FBXO3: variants seen among roughly 807,000 people sequenced by gnomAD.
FBXO3 encodes the protein F-box protein 3.
Under a neutral mutation model 64.8 loss-of-function variants are expected in FBXO3, and 17 were observed. That is an observed-to-expected ratio of 0.26 (90% CI 0.18 to 0.39). The LOEUF (loss-of-function observed/expected upper bound fraction) is 0.39, where lower values mean the gene tolerates loss of function less well. FBXO3 is among the 10% of genes least tolerant of loss of function. The pLI is 1.00. For missense variants in FBXO3, 420 were observed against 589.9 expected, an observed-to-expected ratio of 0.71 and a Z score of 2.98; for synonymous variants, 182 against 201.6, an observed-to-expected ratio of 0.90 and a Z score of 0.82.
chr11:33,748,092 C>A (rs576293011), intron 9 of FBXO3, among the ~76,000 whole-genome samples: 2 of 152,228 alleles, frequency 1.3e-5, no homozygotes, highest in South Asian at 4.2e-4. Flanking sequence ...ATGGCACTCA[C>A]AAGGGAGAGT....
chr11:33,767,180 A>G (rs1363218036), intron 3 of FBXO3, among the ~76,000 whole-genome samples: 1 of 152,182 alleles, frequency 6.6e-6, no homozygotes, highest in African/African-American at 2.4e-5. Flanking sequence ...TCCAAACATA[A>G]TAGGATAGGT....
At chr11:33,744,076 G>C (rs1815357555) in intron 10 of FBXO3, 2 of 152,148 alleles carry the variant, frequency 1.3e-5, no homozygotes, top group East Asian at 1.9e-4. Flanking sequence ...AATATACACT[G>C]ATACGACTTA....
chr11:33,764,512 AT>A (rs1855319484), intron 3 of FBXO3, among the ~76,000 whole-genome samples: 1 of 152,194 alleles, frequency 6.6e-6, no homozygotes, highest in African/African-American at 2.4e-5. Flanking sequence ...ACCGCTGGAT[AT>A]AATGTGAGGA....
chr11:33,773,026 T>C (rs1855548645), intron 1 of FBXO3: 4 of 151,058 alleles, frequency 2.6e-5, no homozygotes. Flanking sequence ...AAGTGTGTTG[T>C]ATGCTGGCAG....
chr11:33,754,953 C>T (rs1444845384), intron 5 of FBXO3, among the ~76,000 whole-genome samples: 1 of 149,574 alleles, frequency 6.7e-6, no homozygotes, highest in Non-Finnish European at 1.5e-5. Context: ...ATGACCTCCG[C>T]CTCCCGGATT....
At chr11:33,765,459 G>C (rs1855345638) in intron 3 of FBXO3, among the ~76,000 whole-genome samples, 1 of 151,716 alleles carries the variant, frequency 6.6e-6, no homozygotes, top group Non-Finnish European at 1.5e-5. Context: ...TTGAAGAAGA[G>C]AGAGAGACAA....
intron 3 of FBXO3, among the ~76,000 whole-genome samples, chr11:33,761,537 T>C (rs1855241573): frequency 6.6e-6 from 1 of 152,226 alleles, no homozygotes; most frequent in South Asian, 2.1e-4. Flanking sequence ...AAAAAATATT[T>C]TTAAATGACA....
chr11:33,751,565 A>G lies in FBXO3; in HGVS notation c.767T>C (p.Val256Ala). 6.2e-7 allele frequency: 1 copy of G among 1,608,978 alleles called. No homozygotes were observed. Among genetic ancestry groups the G allele is most frequent in the South Asian group, 1.1e-5 (1 of 90,088 alleles). ...TDWFTSYVKN[V>A]VSGGFPIIRD... ...GATGATGGGGAAGCCACCTGATACA[A>G]CATTTTTGACATAAGAGGTAAACCA... The change falls in exon 7 of 11, where the codon GTT (valine) becomes GCT (alanine). Residue 256 changes from valine (V) to alanine (A), a missense_variant. Physicochemically the swap from Val to Ala is moderately conservative, Grantham distance 64. Transcript: ENST00000265651.
chr11:33,748,809 T>C lies in FBXO3; in HGVS notation c.1016A>G (p.Asp339Gly), dbSNP rs1384319625. ...TCCAGGTCCTTGAACTTCTTCCACG[T>C]CACCCTTAGCATTTGTTATTCTCCA... ...RYWRITNAKGDVEEVQGPGVV... is the reference protein window; with the variant it reads ...RYWRITNAKGGVEEVQGPGVV... Residue 339 changes from aspartate (D) to glycine (G), a missense_variant, in exon 9 of 11, where the codon GAC becomes GGC. Asp to Gly is a moderately conservative substitution (Grantham distance 94). Transcript: ENST00000265651. 2 of 1,613,736 alleles carry C rather than the reference T, an allele frequency of 1.2e-6. No individual in the cohort carries two copies. The highest frequency in any genetic ancestry group is 1.7e-6 in the Non-Finnish European group (2 of 1,179,742).
rs1207775083 is a variant in FBXO3, at chr11:33,746,692, T to C, written c.1239+438A>G. The C allele has an allele frequency of 3.0e-6, 4 of 1,349,938 alleles. No homozygotes were observed. The South Asian group carries it at 5.2e-5, about 18-fold the overall frequency. 83.6% of individuals were successfully genotyped at this position (1,349,938 alleles called of 1,614,324 possible). On this transcript the variant is annotated intron_variant, in intron 10 of 10. Coordinates refer to ENST00000265651, the MANE Select transcript of FBXO3 (RefSeq NM_012175.4). ...ATTTTAAAAAATATACCTAGTTGAC[T>C]TAAGAAATGATCCCAGAGAGACTGC...
chr11:33,748,643 C>A (rs1420845380), intron 9 of FBXO3, 134 bp downstream of exon 9: 2 of 475,056 alleles, frequency 4.2e-6, no homozygotes, highest in Non-Finnish European at 3.7e-6. Flanking sequence ...GCTATTATTT[C>A]AGAAAAGTTA....
Position 33,768,885 on chromosome 11 carries a change from C to T in FBXO3, c.324G>A (p.Glu108=). 2 of 1,614,070 alleles carry T rather than the reference C, an allele frequency of 1.2e-6. No homozygotes were observed. Among genetic ancestry groups the T allele is most frequent in the African/African-American group, 1.3e-5 (1 of 75,040 alleles). ...ATAAAACCATCCGAGGACACCTGGG[C>T]TCCAAATATTTCTTGAGATCATCCC... ...KAWDDLKKYL[E]PRCPRMVLSL... Residue 108 remains glutamate (E), a synonymous_variant, in exon 3 of 11, where the codon GAG becomes GAA. Coordinates refer to ENST00000265651, the MANE Select transcript of FBXO3 (RefSeq NM_012175.4).
At chr11:33,760,102 G>C (rs997264603) in intron 3 of FBXO3, among the ~76,000 whole-genome samples, 1 of 152,178 alleles carries the variant, frequency 6.6e-6, no homozygotes, top group Non-Finnish European at 1.5e-5. Flanking sequence ...GCAGAATGAA[G>C]TAGAAGCAGT....
In FBXO3 at chr11:33,752,086, C is replaced by T. The variant is rs1854975282; in HGVS notation, c.725-479G>A. The stretch of plus-strand genomic sequence containing the variant: ...CAGAAGCCAGGCTCAGTCTGGACAT[C>T]TACCAGGGACATGACATTGTGGAGT... On this transcript the variant is annotated intron_variant, in intron 6 of 10. Coordinates refer to ENST00000265651, the MANE Select transcript of FBXO3 (RefSeq NM_012175.4). Among the ~76,000 whole-genome samples, 3 of 152,348 alleles carry T rather than the reference C, an allele frequency of 2.0e-5. No homozygotes were observed. In the South Asian group the frequency reaches 6.2e-4, roughly 32 times the overall value.
chr11:33,772,467 CTG>C (rs990332608), intron 1 of FBXO3: 2 of 152,278 alleles, frequency 1.3e-5, no homozygotes, highest in African/African-American at 4.8e-5. Context: ...TCATCACTGT[CTG>C]TGAGTCACTC....
intron 5 of FBXO3, among the ~76,000 whole-genome samples, chr11:33,755,375 A>G (rs1463159609): frequency 6.6e-6 from 1 of 152,224 alleles, no homozygotes; most frequent in African/African-American, 2.4e-5. Flanking sequence ...ACATTTTTCG[A>G]TACATCAAAT....
At position 33,748,890 on chromosome 11, in the gene FBXO3, A is replaced by G; in HGVS notation, c.935T>C (p.Ile312Thr). 1 of 1,607,348 alleles carries G rather than the reference A, an allele frequency of 6.2e-7. No homozygotes were observed. Among genetic ancestry groups the G allele is most frequent in the African/African-American group, 1.3e-5 (1 of 74,904 alleles). ...AGGAAGTGCATCTTTTGACATTTCA[A>G]TCCTAGAGAAGGGAATGGGGTGGTA... ...PHYFFTYRIRIEMSKDALPEK... is the reference protein window; with the variant it reads ...PHYFFTYRIRTEMSKDALPEK... Residue 312 changes from isoleucine (I) to threonine (T), a missense_variant and splice_region_variant, in exon 9 of 11, where the codon ATT becomes ACT. Transcript: ENST00000265651.
intron 3 of FBXO3, among the ~76,000 whole-genome samples, chr11:33,764,514 AATGTG>A (rs1855319621): frequency 6.6e-6 from 1 of 152,188 alleles, no homozygotes; most frequent in African/African-American, 2.4e-5. Flanking sequence ...CGCTGGATAT[AATGTG>A]AGGAGAAGGG....
At chr11:33,765,722 G>C (rs552848234) in intron 3 of FBXO3, among the ~76,000 whole-genome samples, 4 of 152,236 alleles carry the variant, frequency 2.6e-5, no homozygotes, top group African/African-American at 9.6e-5. Context: ...TCTCATGAAT[G>C]GTTTAGCATC....
Sources: allele counts gnomAD v4.1 joint callset (sites outside exome capture counted in the v4.1 genomes callset), GRCh38; gene constraint gnomAD v4.1.1; transcripts MANE v1.5; gene names NCBI Gene and HGNC (gene_info 2026-07-23, HGNC 2026-07-21).